DYSF: variants seen among roughly 807,000 people sequenced by gnomAD.
DYSF encodes the protein dysferlin, also known as dystrophy-associated fer-1-like 1.
Under a neutral mutation model 274.9 loss-of-function variants are expected in DYSF, and 212 were observed. The observed-to-expected ratio is 0.77, with a 90% CI of 0.69 to 0.86. The LOEUF (loss-of-function observed/expected upper bound fraction) is 0.86, where lower values mean the gene tolerates loss of function less well. DYSF is among the 40% of genes least tolerant of loss of function. The probability of loss-of-function intolerance (pLI) is 0.00; values close to 1 mark genes in which losing one functional copy is unlikely to be tolerated. For synonymous variants in DYSF, 1,091 were observed against 1,078.7 expected (o/e 1.01, Z -0.22); for missense variants, 2,666 against 2,783.2 (o/e 0.96, Z 0.95).
chr2:71,598,781 G>A (rs1329738374), intron 33 of DYSF, 36 bp downstream of exon 33: 2 of 1,604,260 alleles, frequency 1.2e-6, no homozygotes, highest in Non-Finnish European at 1.7e-6. Context: ...TCCCCTCACA[G>A]GGAGGGACCA....
At chr2:71,472,359 T>G (rs898713580) in intron 1 of DYSF, among the ~76,000 whole-genome samples, 3 of 152,262 alleles carry the variant, frequency 2.0e-5, no homozygotes, top group Non-Finnish European at 4.4e-5. Flanking sequence ...CTTATTTTTC[T>G]AATAATCCTG....
At chr2:71,504,048 G>A (rs1032872990) in intron 4 of DYSF, among the ~76,000 whole-genome samples, 3 of 152,340 alleles carry the variant, frequency 2.0e-5, no homozygotes, top group Admixed American at 1.3e-4. Context: ...ACAGGGCAGT[G>A]GTACTGCCCC....
chr2:71,531,614 G>A (rs982579828), intron 14 of DYSF, among the ~76,000 whole-genome samples: 1 of 151,846 alleles, frequency 6.6e-6, no homozygotes, highest in Non-Finnish European at 1.5e-5. Context: ...CAGACAAAAT[G>A]TGTGTCCTTT....
At chr2:71,535,914 C>T (rs765609187) in intron 16 of DYSF, among the ~76,000 whole-genome samples, 12 of 152,200 alleles carry the variant, frequency 7.9e-5, no homozygotes, top group Non-Finnish European at 1.6e-4. Context: ...CACGAGTCAT[C>T]TCATCTGACC....
In DYSF at chr2:71,570,698, GC is replaced by G; in HGVS notation, c.3187del (p.Leu1063CysfsTer12). ...YYTHRRRRWVRLRRRDLSQME... is the reference protein window; with the variant it reads ...YYTHRRRRWVXLRRRDLSQME... ...ACACACCGACGGCGGCGCTGGGTGC[GC>G]CTGCGCAGGAGGGATCTCAGCCAAA... On this transcript the variant is annotated frameshift_variant, in exon 29 of 56. Coordinates refer to ENST00000410020, the MANE Select transcript of DYSF (RefSeq NM_001130987.2). LOFTEE classifies it high-confidence loss of function. 6.2e-7 allele frequency: 1 copy of G among 1,614,036 alleles called. No individual in the cohort carries two copies. The highest frequency in any genetic ancestry group is 8.5e-7 in the Non-Finnish European group (1 of 1,179,954).
chr2:71,583,682 G>A (rs2092970149), intron 30 of DYSF, among the ~76,000 whole-genome samples: 1 of 152,188 alleles, frequency 6.6e-6, no homozygotes. Context: ...GCAGACAGAG[G>A]GCACAGACAC....
At chr2:71,601,217 C>A in intron 34 of DYSF, 1 of 599,392 alleles carries the variant, frequency 1.7e-6, no homozygotes, top group Non-Finnish European at 3.0e-6. Context: ...GCCAGCCACT[C>A]CCCTGCTGTA....
intron 51 of DYSF, among the ~76,000 whole-genome samples, chr2:71,673,854 G>GTTA (rs923013153): frequency 1.3e-5 from 2 of 148,702 alleles, no homozygotes; most frequent in Admixed American, 6.6e-5. Context: ...CTATATTAAT[G>GTTA]TTATTATTAT....
At chr2:71,562,004 C>T in intron 23 of DYSF, 60 bp downstream of exon 23, 1 of 1,574,296 alleles carries the variant, frequency 6.4e-7, no homozygotes, top group Non-Finnish European at 8.6e-7. Context: ...AACATCAGAA[C>T]TGGCAGGGAC....
rs1342746169 is a variant in DYSF, at chr2:71,454,160, G to T, written c.88+74G>T. Reference sequence around the variant, plus strand: ...GGGGACGCCGCGGCTCTCAACCCTGGAGAGCACCTAGAGCTGAGAGACAGG... The same window carrying T: ...GGGGACGCCGCGGCTCTCAACCCTGTAGAGCACCTAGAGCTGAGAGACAGG... On this transcript the variant is annotated intron_variant, in intron 1 of 54. Transcript: ENST00000258104. The T allele has an allele frequency of 1.2e-5, 17 of 1,419,906 alleles. No homozygotes were observed. In the East Asian group the frequency reaches 4.1e-4, roughly 34 times the overall value. 88.0% of individuals were successfully genotyped at this position (1,419,906 alleles called of 1,614,324 possible).
chr2:71,638,361 C>CAAAA (rs34513312), intron 41 of DYSF, among the ~76,000 whole-genome samples: 1 of 130,122 alleles, frequency 7.7e-6, no homozygotes, highest in Admixed American at 7.7e-5. Context: ...CTCATCACTG[C>CAAAA]AAAAAAAAAA....
At position 71,528,501 on chromosome 2, in the gene DYSF, C is replaced by A. The variant is rs988360003; in HGVS notation, c.1380+100C>A. On this transcript the variant is annotated intron_variant, in intron 14 of 55. Transcript: ENST00000410020. The stretch of plus-strand genomic sequence containing the variant: ...GCAAGACAGAGTGAGATGCCCCCAC[C>A]AGAGGTGTGTGCACAAGGAGTGGCT... 5.6e-5 allele frequency: 57 copies of A among 1,012,404 alleles called. No homozygotes were observed. The Admixed American group carries it at 1.1e-3, about 20-fold the overall frequency. The allele number at this position is 1,012,404 out of a possible 1,614,324, so 62.7% of individuals were successfully genotyped here.
At chr2:71,612,418 G>A (rs1305351064) in intron 38 of DYSF, among the ~76,000 whole-genome samples, 1 of 152,194 alleles carries the variant, frequency 6.6e-6, no homozygotes, top group Non-Finnish European at 1.5e-5. Context: ...CATTTGGAAG[G>A]TAAAGCTGTG....
chr2:71,622,803 C>G (rs754033692), intron 41 of DYSF, among the ~76,000 whole-genome samples: 1 of 152,090 alleles, frequency 6.6e-6, no homozygotes, highest in Non-Finnish European at 1.5e-5. Context: ...TTTGTAGAGA[C>G]AGGGTTTCAC....
At chr2:71,471,522 G>A (rs1352123236) in intron 1 of DYSF, among the ~76,000 whole-genome samples, 5 of 152,144 alleles carry the variant, frequency 3.3e-5, no homozygotes, top group Non-Finnish European at 4.4e-5. Flanking sequence ...ATCATGCCAC[G>A]GTTGAGAATA....
At chr2:71,549,230 C>G in intron 17 of DYSF, 1 of 957,046 alleles carries the variant, frequency 1.0e-6, no homozygotes, top group Non-Finnish European at 1.7e-6. Flanking sequence ...CTGTTTCACA[C>G]CCGGGAGCTG....
intron 4 of DYSF, among the ~76,000 whole-genome samples, chr2:71,511,184 C>T (rs2086054229): frequency 1.3e-5 from 2 of 152,210 alleles, no homozygotes; most frequent in Admixed American, 6.5e-5. Flanking sequence ...CAGTCCCTCT[C>T]CTCTCTGGCC....
At chr2:71,667,263 G>C in intron 47 of DYSF, 113 bp from the exon 48 acceptor site, 1 of 1,496,356 alleles carries the variant, frequency 6.7e-7, no homozygotes, top group Admixed American at 1.7e-5. Context: ...AGGCTGCGGG[G>C]GTTAGAGCTT....
intron 41 of DYSF, among the ~76,000 whole-genome samples, chr2:71,621,040 G>GC (rs1330775045): frequency 9.2e-5 from 14 of 152,120 alleles, no homozygotes; most frequent in African/African-American, 3.4e-4. Context: ...ACCCTGGCTG[G>GC]CCCCTCGGGT....
Sources: allele counts gnomAD v4.1 joint callset (sites outside exome capture counted in the v4.1 genomes callset), GRCh38; gene constraint gnomAD v4.1.1; transcripts MANE v1.5; gene names NCBI Gene and HGNC (gene_info 2026-07-23, HGNC 2026-07-21).